Variants in SMYD3 observed in about 807,000 individuals in gnomAD.
The protein encoded by SMYD3 is histone-lysine N-methyltransferase SMYD3.
In SMYD3, 36 loss-of-function variants were observed where a neutral mutation model predicts 57.7. That is an observed-to-expected ratio of 0.62 (90% CI 0.48 to 0.82). The LOEUF is 0.82. SMYD3 is among the 40% of genes least tolerant of loss of function. The probability of loss-of-function intolerance (pLI) is 0.00; values close to 1 mark genes in which losing one functional copy is unlikely to be tolerated. For missense variants in SMYD3, 515 were observed against 538.8 expected (o/e 0.96, Z 0.44); for synonymous variants, 211 against 195.0 (o/e 1.08, Z -0.68).
intron 1 of SMYD3, among the ~76,000 whole-genome samples, chr1:246,460,925 T>C (rs1200005159): frequency 6.6e-6 from 1 of 152,238 alleles, no homozygotes; most frequent in Non-Finnish European, 1.5e-5. Flanking sequence ...TTACAATGAA[T>C]GCTGTCTGGG....
intron 5 of SMYD3, among the ~76,000 whole-genome samples, chr1:246,134,945 A>C (rs928896337): frequency 1.3e-5 from 2 of 152,208 alleles, no homozygotes; most frequent in East Asian, 1.9e-4. Context: ...AAAAAAAAAA[A>C]AAAAACTTAG....
intron 1 of SMYD3, among the ~76,000 whole-genome samples, chr1:246,482,218 GGT>G (rs2068120307): frequency 6.6e-6 from 1 of 152,098 alleles, no homozygotes. Flanking sequence ...TGCCATGAGA[GGT>G]AAAATGGTGG....
rs144448822 is a variant in SMYD3, at chr1:246,401,247, A to T, written c.165-46153T>A. ...ATGGTGGCTCACACCTCTAAATCTC[A>T]GCACTTTGGGAGGCCAAGGCAGGAG... On this transcript the variant is annotated intron_variant, in intron 1 of 11. Coordinates refer to ENST00000490107, the MANE Select transcript of SMYD3 (RefSeq NM_001167740.2). 7.9e-4 allele frequency among the ~76,000 whole-genome samples: 120 copies of T among 152,308 alleles called. 1 individual carries two copies. The highest frequency in any genetic ancestry group is 2.8e-3 in the African/African-American group (116 of 41,574).
intron 8 of SMYD3, among the ~76,000 whole-genome samples, chr1:245,877,446 A>C (rs1413377159): frequency 2.6e-5 from 4 of 152,246 alleles, no homozygotes; most frequent in African/African-American, 7.2e-5. Context: ...TATGTTTTTC[A>C]AATATTTACG....
intron 5 of SMYD3, among the ~76,000 whole-genome samples, chr1:246,170,124 T>C (rs974062812): frequency 6.6e-6 from 1 of 152,078 alleles, no homozygotes; most frequent in Non-Finnish European, 1.5e-5. Flanking sequence ...TAGTACAACT[T>C]AAGAAAAAAT....
At chr1:246,470,262 C>T (rs868723173) in intron 1 of SMYD3, among the ~76,000 whole-genome samples, 2 of 151,828 alleles carry the variant, frequency 1.3e-5, no homozygotes, top group South Asian at 2.1e-4. Context: ...GAGGTCGAGG[C>T]GGGAGGATCA....
chr1:245,831,100 G>C (rs955560542), intron 10 of SMYD3, among the ~76,000 whole-genome samples: 1 of 152,100 alleles, frequency 6.6e-6, no homozygotes, highest in African/African-American at 2.4e-5. Flanking sequence ...TCAGAAATCC[G>C]GTTCCACGTT....
chr1:245,991,125 A>C (rs12120097), intron 5 of SMYD3, among the ~76,000 whole-genome samples: 77,639 of 152,080 alleles, frequency 0.51, 23,525 homozygotes, highest in Middle Eastern at 0.69. Flanking sequence ...ACATGCTTTA[A>C]CTAAAATGAT....
At chr1:246,222,424 T>C (rs1297616949) in intron 5 of SMYD3, among the ~76,000 whole-genome samples, 2 of 152,024 alleles carry the variant, frequency 1.3e-5, no homozygotes, top group African/African-American at 4.8e-5. Flanking sequence ...GATCTGTGCC[T>C]CATTAGCTGT....
chr1:246,260,908 T>C (rs1019365620), intron 5 of SMYD3, among the ~76,000 whole-genome samples: 3 of 152,276 alleles, frequency 2.0e-5, no homozygotes, highest in Admixed American at 2.0e-4. Flanking sequence ...AAACAGCTTG[T>C]AGAGTGACCC....
At chr1:245,971,635 C>G (rs1302294110) in intron 5 of SMYD3, among the ~76,000 whole-genome samples, 1 of 152,162 alleles carries the variant, frequency 6.6e-6, no homozygotes, top group Admixed American at 6.5e-5. Context: ...GGGGATGTCC[C>G]TTGAAGGCCG....
At chr1:246,036,720 AT>A (rs546300378) in intron 5 of SMYD3, among the ~76,000 whole-genome samples, 3,645 of 110,476 alleles carry the variant, frequency 0.033, 53 homozygotes, top group African/African-American at 0.046. Context: ...AGCCCGGCTA[AT>A]TTTTTTTTTT....
chr1:246,146,802 G>A (rs1023920897), intron 5 of SMYD3, among the ~76,000 whole-genome samples: 1 of 152,112 alleles, frequency 6.6e-6, no homozygotes, highest in Non-Finnish European at 1.5e-5. Flanking sequence ...GAGGAGGAAG[G>A]GGAAGGATGG....
intron 11 of SMYD3, among the ~76,000 whole-genome samples, chr1:245,761,786 CTTTTTT>C (rs534305833): frequency 8.6e-6 from 1 of 115,720 alleles, no homozygotes; most frequent in Non-Finnish European, 1.7e-5. Flanking sequence ...CATATTGAGT[CTTTTTT>C]TTTTTTTTTT....
chr1:246,063,416 A>C (rs2060286672), intron 5 of SMYD3, among the ~76,000 whole-genome samples: 5 of 152,190 alleles, frequency 3.3e-5, no homozygotes, highest in Admixed American at 2.6e-4. Flanking sequence ...CATAATGTTG[A>C]CACAAACAGT....
rs563825084 is a variant in SMYD3 at position 246,137,172 on chromosome 1, A to G, written c.531+190029T>C. On this transcript the variant is annotated intron_variant, in intron 5 of 11. Transcript: ENST00000490107. ...AGTATACAATTCAGTTGTTTCTCAT[A>G]TATTTGCAAAACTGTACACTCATCA... Among the ~76,000 whole-genome samples, 23 of 152,304 alleles carry G rather than the reference A, an allele frequency of 1.5e-4. No homozygotes were observed. In the South Asian group the frequency reaches 3.9e-3, roughly 26 times the overall value.
intron 1 of SMYD3, among the ~76,000 whole-genome samples, chr1:246,438,708 C>A (rs2067417434): frequency 6.6e-6 from 1 of 152,018 alleles, no homozygotes; most frequent in South Asian, 2.1e-4. Context: ...TCGTGGAAGA[C>A]AACTTTTCCA....
chr1:245,768,625 T>C (rs912921542), intron 10 of SMYD3, among the ~76,000 whole-genome samples: 6 of 152,320 alleles, frequency 3.9e-5, no homozygotes, highest in Admixed American at 6.5e-5. Context: ...GCCAATGTGG[T>C]AGTGTTTGGA....
chr1:245,912,239 A>C (rs777391211), intron 8 of SMYD3, among the ~76,000 whole-genome samples: 5 of 152,092 alleles, frequency 3.3e-5, no homozygotes, highest in Non-Finnish European at 7.4e-5. Context: ...GAAATCAAGA[A>C]AGTAATCCCA....
Sources: gnomAD v4.1 joint callset for allele counts (sites outside exome capture counted in the v4.1 genomes callset) on GRCh38, gnomAD v4.1.1 for gene constraint, MANE v1.5 for transcripts, NCBI Gene and HGNC (gene_info 2026-07-23, HGNC 2026-07-21) for gene names.